CEACAM21: variants seen among roughly 807,000 people sequenced by gnomAD.
CEACAM21 encodes the protein CEA cell adhesion molecule 21.
CEACAM21 carries 38 observed loss-of-function variants against 33.2 expected under a neutral mutation model. The observed-to-expected ratio is 1.14, with a 90% confidence interval of 0.88 to 1.50. The LOEUF (loss-of-function observed/expected upper bound fraction) is 1.50, where lower values mean the gene tolerates loss of function less well. Ranked by LOEUF, CEACAM21 falls within the 40% of genes most tolerant of loss-of-function variation. The pLI is 0.00. For synonymous variants in CEACAM21, 156 were observed against 143.0 expected, an observed-to-expected ratio of 1.09 and a Z score of -0.65; for missense variants, 385 against 364.6, an observed-to-expected ratio of 1.06 and a Z score of -0.46.
intron 2 of CEACAM21, 34 bp downstream of exon 2, chr19:41,577,593 G>A (rs2043047526): frequency 1.9e-6 from 3 of 1,608,274 alleles, no homozygotes; most frequent in Admixed American, 1.7e-5. Flanking sequence ...GGGTGTTGGG[G>A]GTCAGTTCTG....
chr19:41,559,459 A>C (rs1005066637), intron 1 of CEACAM21, among the ~76,000 whole-genome samples: 2 of 152,250 alleles, frequency 1.3e-5, no homozygotes, highest in Non-Finnish European at 2.9e-5. Flanking sequence ...TTACAGTAGA[A>C]AAGATTTTTA....
intron 2 of CEACAM21, among the ~76,000 whole-genome samples, chr19:41,570,700 T>A (rs558581152): frequency 2.6e-5 from 4 of 152,286 alleles, no homozygotes; most frequent in African/African-American, 7.2e-5. Flanking sequence ...AGCTGCTCCC[T>A]GAGCAAATCT....
At chr19:41,585,533 C>G (rs369926243) in intron 5 of CEACAM21, 38 bp downstream of exon 5, 43 of 1,607,960 alleles carry the variant, frequency 2.7e-5, no homozygotes, top group Admixed American at 5.0e-5. Context: ...CTGGGAACTA[C>G]TAAGCCAGCC....
intron 3 of CEACAM21, among the ~76,000 whole-genome samples, chr19:41,580,639 G>A (rs1247457860): frequency 6.6e-6 from 1 of 152,186 alleles, no homozygotes; most frequent in Non-Finnish European, 1.5e-5. Flanking sequence ...GATGCACAGA[G>A]CATGGCATGT....
chr19:41,585,648 G>A (rs782165063), intron 5 of CEACAM21, among the ~76,000 whole-genome samples, 153 bp downstream of exon 5: 19 of 152,188 alleles, frequency 1.2e-4, no homozygotes, highest in Middle Eastern at 3.4e-3. Flanking sequence ...CCAACTGGCC[G>A]GGTCAGCCCT....
At chr19:41,560,226 C>CT (rs1465322278) in intron 1 of CEACAM21, among the ~76,000 whole-genome samples, 19 of 151,644 alleles carry the variant, frequency 1.3e-4, no homozygotes, top group African/African-American at 3.4e-4. Context: ...TTTATTTCTT[C>CT]TTTTTTTTTC....
chr19:41,581,093 C>CA (rs1435925788), intron 3 of CEACAM21, among the ~76,000 whole-genome samples: 1 of 152,240 alleles, frequency 6.6e-6, no homozygotes, highest in East Asian at 1.9e-4. Flanking sequence ...TGGTCATAAA[C>CA]AAAATCTCTG....
chr19:41,586,443 A>T (rs749682590), intron 6 of CEACAM21, 21 bp from the exon 7 acceptor site: 43 of 636,498 alleles, frequency 6.8e-5, no homozygotes, highest in Non-Finnish European at 1.2e-4. Context: ...AGGGGTCAAG[A>T]CCTCTTCTCT....
chr19:41,576,049 G>A (rs1555790885), upstream of CEACAM21: 4 of 587,222 alleles, frequency 6.8e-6, no homozygotes, highest in East Asian at 5.9e-5. Context: ...AAAAAGGAAG[G>A]AGAAAGGAGG....
intron 5 of CEACAM21, 47 bp downstream of exon 5, chr19:41,585,542 C>T (rs782402271): frequency 1.9e-6 from 3 of 1,597,322 alleles, no homozygotes; most frequent in Non-Finnish European, 1.7e-6. Flanking sequence ...ACTAAGCCAG[C>T]CCCAAGTTGT....
intron 4 of CEACAM21, 54 bp from the exon 5 acceptor site, chr19:41,585,389 C>A: frequency 6.3e-7 from 1 of 1,591,326 alleles, no homozygotes; most frequent in Non-Finnish European, 8.6e-7. Context: ...TATTTTAACT[C>A]CAATTTGTGA....
rs1555795569 is a variant in CEACAM21 at position 41,586,488 on chromosome 19, A to G, written c.*25A>G. 2 of 637,208 alleles carry G rather than the reference A, an allele frequency of 3.1e-6. No homozygotes were observed. Among genetic ancestry groups the G allele is most frequent in the East Asian group, 4.1e-5 (1 of 24,650 alleles). 39.5% of individuals were successfully genotyped at this position (637,208 alleles called of 1,614,324 possible). On this transcript the variant is annotated 3_prime_UTR_variant, in exon 7 of 7. Coordinates refer to ENST00000401445, the MANE Select transcript of CEACAM21 (RefSeq NM_001098506.4). ...GGAATTGCTACACTCTGACACAAACATTTACTGCTGGATCGACCACAAAGC... is the reference window on the plus strand; with the variant it reads ...GGAATTGCTACACTCTGACACAAACGTTTACTGCTGGATCGACCACAAAGC...
intron 1 of CEACAM21, among the ~76,000 whole-genome samples, chr19:41,556,509 G>C (rs1294079366): frequency 6.6e-6 from 1 of 152,224 alleles, no homozygotes; most frequent in East Asian, 1.9e-4. Flanking sequence ...AGAGCTCTTT[G>C]AAAAAGAAAA....
Position 41,584,199 on chromosome 19 carries a change from G to A in CEACAM21, c.701-148G>A, listed in dbSNP as rs966701733. ...AAAATGGTGCAACCACGGAGAGCAAGGGAGCCAGCTATGAGGACAGCACAA... is the reference window on the plus strand; with the variant it reads ...AAAATGGTGCAACCACGGAGAGCAAAGGAGCCAGCTATGAGGACAGCACAA... On this transcript the variant is annotated intron_variant, in intron 3 of 6. Transcript: ENST00000401445. 4 of 645,666 alleles carry A rather than the reference G, an allele frequency of 6.2e-6. No individual in the cohort carries two copies. In the Admixed American group the frequency reaches 8.6e-5, roughly 14 times the overall value. 40.0% of individuals were successfully genotyped at this position (645,666 alleles called of 1,614,324 possible).
intron 1 of CEACAM21, among the ~76,000 whole-genome samples, chr19:41,559,466 T>A (rs1386839967): frequency 6.6e-6 from 1 of 152,212 alleles, no homozygotes; most frequent in Non-Finnish European, 1.5e-5. Flanking sequence ...AGAAAAGATT[T>A]TTAAAAGAGG....
chr19:41,561,441 C>G (rs1176375276), intron 1 of CEACAM21, among the ~76,000 whole-genome samples: 1 of 119,600 alleles, frequency 8.4e-6, no homozygotes, highest in African/African-American at 3.4e-5. Flanking sequence ...AATAACTAAA[C>G]AGGTGGGGGT....
rs1029899541 is a variant in CEACAM21 at position 41,586,647 on chromosome 19, C to T, written c.*184C>T. The T allele has an allele frequency of 4.7e-5, 25 of 534,786 alleles. 1 individual carries two copies. The highest frequency in any genetic ancestry group is 3.4e-4 in the South Asian group (23 of 68,288). 33.1% of individuals were successfully genotyped at this position (534,786 alleles called of 1,614,324 possible). A position where few individuals can be genotyped will look rare whatever the true frequency, so the allele number is the denominator to read the frequency against. The stretch of plus-strand genomic sequence containing the variant: ...ACCAGCTCTGAGTCCTGAGGAGACA[C>T]AGGCCTGGGGACAGGAAGGGATGGG... On this transcript the variant is annotated 3_prime_UTR_variant, in exon 7 of 7. Transcript: ENST00000401445.
intron 3 of CEACAM21, among the ~76,000 whole-genome samples, chr19:41,580,900 T>G (rs2122262981): frequency 6.6e-6 from 1 of 152,374 alleles, no homozygotes; most frequent in South Asian, 2.1e-4. Flanking sequence ...TAATCCTACC[T>G]GGGTCAGTGA....
rs1456876473 is a variant in CEACAM21 at position 41,577,316 on chromosome 19, A to T, written c.181A>T (p.Asn61Tyr). 5.6e-6 allele frequency: 9 copies of T among 1,613,974 alleles called. No individual in the cohort carries two copies. Among genetic ancestry groups the T allele is most frequent in the Non-Finnish European group, 7.6e-6 (9 of 1,179,978 alleles). The change falls in exon 2 of 7, where the codon AAT becomes TAT. Residue 61 changes from asparagine to tyrosine, a missense_variant. Coordinates refer to ENST00000401445, the MANE Select transcript of CEACAM21 (RefSeq NM_001098506.4). ...TCTCTCTGTGGTTTATCTGCCCGAG[A>T]ATCTTTACAGCTATGGCTGGTACAA... The part of the protein sequence containing the change: ...VHLSVVYLPE[N>Y]LYSYGWYKGK...
Sources: allele counts gnomAD v4.1 joint callset (sites outside exome capture counted in the v4.1 genomes callset), GRCh38; gene constraint gnomAD v4.1.1; transcripts MANE v1.5; gene names NCBI Gene and HGNC (gene_info 2026-07-23, HGNC 2026-07-21).